The following FAM83B variants were observed in gnomAD, a reference collection of about 807,000 sequenced individuals.
FAM83B encodes scaffolding CK1 anchoring protein B, also known as protein FAM83B.
Under a neutral mutation model 38.8 loss-of-function variants are expected in FAM83B, and 26 were observed. The ratio of observed to expected loss-of-function variants is 0.67; its 90% CI spans 0.49 to 0.93. The LOEUF (loss-of-function observed/expected upper bound fraction) is 0.93, where lower values mean the gene tolerates loss of function less well. FAM83B is among the 40% of genes least tolerant of loss of function. The pLI is 0.00. For missense variants in FAM83B, 1,237 were observed against 1,197.3 expected (o/e 1.03, Z -0.49); for synonymous variants, 419 against 423.1 (o/e 0.99, Z 0.12).
chr6:54,935,991 G>A (rs767830870), intron 4 of FAM83B, among the ~76,000 whole-genome samples: 49 of 152,140 alleles, frequency 3.2e-4, no homozygotes, highest in Non-Finnish European at 5.7e-4. Flanking sequence ...GGCTTGCAAG[G>A]CCCACTAAAA....
chr6:54,859,766 T>C (rs1771532786), intron 1 of FAM83B, among the ~76,000 whole-genome samples: 1 of 152,224 alleles, frequency 6.6e-6, no homozygotes, highest in African/African-American at 2.4e-5. Flanking sequence ...TGGCTTTAGT[T>C]TGGATATTCT....
intron 2 of FAM83B, among the ~76,000 whole-genome samples, chr6:54,877,249 G>A (rs1414248724): frequency 1.3e-5 from 2 of 152,166 alleles, no homozygotes; most frequent in African/African-American, 2.4e-5. Flanking sequence ...TGTTATAGAG[G>A]TGATAAGCTT....
chr6:54,897,340 G>T (rs1772560903), intron 2 of FAM83B, among the ~76,000 whole-genome samples: 1 of 151,968 alleles, frequency 6.6e-6, no homozygotes, highest in Admixed American at 6.6e-5. Flanking sequence ...TGAAAGTCTT[G>T]ATTGCATTGT....
At chr6:54,886,503 T>C (rs1464947682) in intron 2 of FAM83B, among the ~76,000 whole-genome samples, 1 of 152,084 alleles carries the variant, frequency 6.6e-6, no homozygotes, top group African/African-American at 2.4e-5. Context: ...ATTTGTTTTG[T>C]TTTTACTGCT....
intron 2 of FAM83B, among the ~76,000 whole-genome samples, chr6:54,914,482 C>A (rs1034944901): frequency 6.6e-6 from 1 of 152,204 alleles, no homozygotes; most frequent in Admixed American, 6.5e-5. Context: ...ATCCATCCAT[C>A]AGTCTCTTTG....
At chr6:54,898,414 C>A (rs1772585908) in intron 2 of FAM83B, among the ~76,000 whole-genome samples, 1 of 152,110 alleles carries the variant, frequency 6.6e-6, no homozygotes, top group South Asian at 2.1e-4. Flanking sequence ...ATGAAGATGG[C>A]TGGTCTTTGT....
chr6:54,892,601 A>G (rs1023265956), intron 2 of FAM83B, among the ~76,000 whole-genome samples: 3 of 151,412 alleles, frequency 2.0e-5, no homozygotes, highest in African/African-American at 4.8e-5. Flanking sequence ...ACATGGTCTT[A>G]TTCTTATTAT....
chr6:54,849,816 C>T (rs1372738934), intron 1 of FAM83B, among the ~76,000 whole-genome samples: 2 of 149,224 alleles, frequency 1.3e-5, no homozygotes, highest in African/African-American at 5.0e-5. Flanking sequence ...TTGTAGATTA[C>T]TGGTCCATGG....
intron 2 of FAM83B, among the ~76,000 whole-genome samples, chr6:54,885,458 G>T (rs1454422814): frequency 6.6e-6 from 1 of 151,258 alleles, no homozygotes; most frequent in East Asian, 1.9e-4. Flanking sequence ...TTTGTATATT[G>T]ACATTGATTG....
intron 2 of FAM83B, among the ~76,000 whole-genome samples, chr6:54,920,690 ACTTTT>A (rs1415774657): frequency 6.6e-6 from 1 of 151,918 alleles, no homozygotes; most frequent in Non-Finnish European, 1.5e-5. Context: ...ATTTATTTTC[ACTTTT>A]CTTATCACTG....
chr6:54,871,843 T>C (rs1440183997), intron 2 of FAM83B, among the ~76,000 whole-genome samples: 1 of 147,570 alleles, frequency 6.8e-6, no homozygotes, highest in Non-Finnish European at 1.5e-5. Flanking sequence ...GATACAAAAA[T>C]TTAGATCTAA....
At chr6:54,916,660 C>G (rs1773046066) in intron 2 of FAM83B, among the ~76,000 whole-genome samples, 1 of 152,128 alleles carries the variant, frequency 6.6e-6, no homozygotes, top group Admixed American at 6.5e-5. Flanking sequence ...TAAAACGCAT[C>G]TGGCTCAGAT....
chr6:54,866,820 A>AT (rs1416159479), intron 1 of FAM83B, among the ~76,000 whole-genome samples: 1 of 152,140 alleles, frequency 6.6e-6, no homozygotes, highest in African/African-American at 2.4e-5. Context: ...TGCATGTGTC[A>AT]TTTTATAAAT....
At chr6:54,867,092 T>C (rs1016621199) in intron 1 of FAM83B, among the ~76,000 whole-genome samples, 1 of 151,844 alleles carries the variant, frequency 6.6e-6, no homozygotes, top group Admixed American at 6.6e-5. Flanking sequence ...ATCTTTTTTT[T>C]TTTCTCTACT....
Position 54,940,786 on chromosome 6 carries a change from G to T in FAM83B, c.1815G>T (p.Gln605His). Residue 605 changes from glutamine to histidine, a missense_variant, in exon 5 of 5, where the codon CAG becomes CAT. Transcript: ENST00000306858. ...LPESIPKLPL[Q>H]SEAPKMHTLQ... Reference sequence around the variant, plus strand: ...AATCAATCCCCAAGCTCCCATTGCAGTCAGAGGCACCAAAAATGCACACCT... The same window carrying T: ...AATCAATCCCCAAGCTCCCATTGCATTCAGAGGCACCAAAAATGCACACCT... 1 of 1,614,010 alleles carries T rather than the reference G, an allele frequency of 6.2e-7. No individual in the cohort carries two copies. The highest frequency in any genetic ancestry group is 8.5e-7 in the Non-Finnish European group (1 of 1,180,020).
At chr6:54,935,562 T>C (rs762521834) in intron 4 of FAM83B, among the ~76,000 whole-genome samples, 3 of 152,076 alleles carry the variant, frequency 2.0e-5, no homozygotes, top group Non-Finnish European at 4.4e-5. Context: ...CTATCCATAG[T>C]AAAACTGGAA....
chr6:54,853,380 G>T lies in FAM83B; in HGVS notation c.-61+6554G>T, dbSNP rs151039301. On this transcript the variant is annotated intron_variant, in intron 1 of 4. Transcript: ENST00000306858. ...AGAAGATGCCATCTAGTATTTCAGA[G>T]CTAGAGAGGGGAAGTCAATGCCTGG... Among the ~76,000 whole-genome samples the T allele has an allele frequency of 6.6e-5, 10 of 152,288 alleles. No individual in the cohort carries two copies. The East Asian group carries it at 1.9e-3, about 29-fold the overall frequency.
chr6:54,899,622 G>GACTA (rs1291211446), intron 2 of FAM83B, among the ~76,000 whole-genome samples: 1 of 152,138 alleles, frequency 6.6e-6, no homozygotes, highest in African/African-American at 2.4e-5. Flanking sequence ...GGTTTTAGAT[G>GACTA]ACTAGCATGT....
At chr6:54,898,548 A>G (rs1772588107) in intron 2 of FAM83B, among the ~76,000 whole-genome samples, 1 of 152,108 alleles carries the variant, frequency 6.6e-6, no homozygotes, top group African/African-American at 2.4e-5. Context: ...TAGACCCCAA[A>G]CTAGGTACTT....
Sources: allele counts gnomAD v4.1 joint callset (sites outside exome capture counted in the v4.1 genomes callset), GRCh38; gene constraint gnomAD v4.1.1; transcripts MANE v1.5; gene names NCBI Gene and HGNC (gene_info 2026-07-23, HGNC 2026-07-21).